Variants in CD72 observed in about 807,000 individuals in gnomAD.
CD72 encodes CD72 molecule.
A neutral mutation model predicts 50.7 loss-of-function variants in CD72; 28 were observed. The ratio of observed to expected loss-of-function variants is 0.55; its 90% CI spans 0.41 to 0.76. CD72 has a LOEUF of 0.76. Ranked by LOEUF, CD72 falls within the 30% of genes least tolerant of loss-of-function variation. The probability of loss-of-function intolerance (pLI) is 0.00; values close to 1 mark genes in which losing one functional copy is unlikely to be tolerated. For missense variants in CD72, 403 were observed against 420.6 expected, an observed-to-expected ratio of 0.96 and a Z score of 0.37; for synonymous variants, 176 against 171.2, an observed-to-expected ratio of 1.03 and a Z score of -0.22.
intron 3 of CD72, 130 bp downstream of exon 3, chr9:35,617,046 C>A: frequency 1.4e-6 from 2 of 1,473,602 alleles, no homozygotes; most frequent in Non-Finnish European, 1.8e-6. Context: ...GGCACGGCAG[C>A]CCGGGCGTCG....
intron 1 of CD72, among the ~76,000 whole-genome samples, chr9:35,635,416 T>C (rs1010203085): frequency 1.5e-4 from 23 of 152,360 alleles, no homozygotes; most frequent in Non-Finnish European, 7.3e-5. Context: ...TGAGACTTTT[T>C]TTCTATTTAA....
intron 4 of CD72, 43 bp downstream of exon 4, chr9:35,616,557 A>C (rs757863239): frequency 3.4e-6 from 5 of 1,475,246 alleles, no homozygotes; most frequent in Non-Finnish European, 4.7e-6. Context: ...GTCGGGACGA[A>C]AGTCGTTCGG....
chr9:35,613,470 GTTC>G (rs1340249333), intron 5 of CD72, among the ~76,000 whole-genome samples: 2 of 152,042 alleles, frequency 1.3e-5, no homozygotes, highest in Admixed American at 6.5e-5. Flanking sequence ...TCTCTTCTCT[GTTC>G]TTCTTTTCCT....
intron 1 of CD72, among the ~76,000 whole-genome samples, chr9:35,644,243 G>A (rs1242186423): frequency 5.3e-5 from 8 of 150,596 alleles, no homozygotes; most frequent in Admixed American, 1.3e-4. Context: ...CTACTCTGGA[G>A]GCTGAGGCAG....
At chr9:35,612,792 A>G in intron 6 of CD72, 56 bp downstream of exon 6, 3 of 1,544,724 alleles carry the variant, frequency 1.9e-6, no homozygotes, top group Non-Finnish European at 2.7e-6. Context: ...ACTTGATGAC[A>G]TATGTCCCTT....
intron 1 of CD72, among the ~76,000 whole-genome samples, chr9:35,634,501 C>T (rs1039458397): frequency 1.3e-5 from 2 of 151,956 alleles, no homozygotes; most frequent in South Asian, 2.1e-4. Context: ...TACAGGAGCC[C>T]GCCACCAGGC....
intron 5 of CD72, among the ~76,000 whole-genome samples, chr9:35,613,876 A>G (rs1272255438): frequency 2.6e-5 from 4 of 152,146 alleles, no homozygotes; most frequent in Non-Finnish European, 1.5e-5. Flanking sequence ...ACCATGGCGC[A>G]TGCCTATAAT....
chr9:35,616,877 T>G, intron 3 of CD72, 188 bp from the exon 4 acceptor site: 1 of 1,099,558 alleles, frequency 9.1e-7, no homozygotes, highest in East Asian at 2.6e-5. Context: ...GAGAGGGTGT[T>G]CCAGAATCAG....
At chr9:35,610,948 G>C (rs1206944688) in intron 7 of CD72, among the ~76,000 whole-genome samples, 195 bp from the exon 8 acceptor site, 1 of 152,196 alleles carries the variant, frequency 6.6e-6, no homozygotes, top group East Asian at 1.9e-4. Context: ...AATAACTCGA[G>C]ATCTTAAAGA....
intron 1 of CD72, among the ~76,000 whole-genome samples, chr9:35,638,355 T>C (rs555075835): frequency 6.6e-6 from 1 of 152,084 alleles, no homozygotes; most frequent in Non-Finnish European, 1.5e-5. Flanking sequence ...CCAGGCTGAA[T>C]CAGGCTCCAG....
intron 1 of CD72, among the ~76,000 whole-genome samples, chr9:35,634,346 T>C (rs952679632): frequency 2.0e-5 from 3 of 152,148 alleles, no homozygotes; most frequent in Non-Finnish European, 4.4e-5. Context: ...CCCATCCCAA[T>C]AAAATGTAAT....
intron 1 of CD72, among the ~76,000 whole-genome samples, chr9:35,627,996 A>G (rs930257693): frequency 1.1e-4 from 17 of 151,954 alleles, no homozygotes; most frequent in Non-Finnish European, 2.4e-4. Flanking sequence ...CCATCACACC[A>G]GACTAATTTT....
intron 1 of CD72, among the ~76,000 whole-genome samples, chr9:35,632,931 T>G (rs569107943): frequency 1.3e-5 from 2 of 150,440 alleles, no homozygotes; most frequent in Non-Finnish European, 3.0e-5. Flanking sequence ...TTTTTAGTTT[T>G]TTTTTTTTTT....
chr9:35,625,906 G>A (rs1174000844), intron 1 of CD72, among the ~76,000 whole-genome samples: 1 of 152,090 alleles, frequency 6.6e-6, no homozygotes, highest in Non-Finnish European at 1.5e-5. Flanking sequence ...TTCTCAGAAA[G>A]AAAATTCCTT....
intron 1 of CD72, among the ~76,000 whole-genome samples, chr9:35,637,521 T>C (rs1425362526): frequency 6.6e-6 from 1 of 152,162 alleles, no homozygotes; most frequent in African/African-American, 2.4e-5. Context: ...CCAGCCTCTC[T>C]TGCTACCCTT....
chr9:35,610,540 CCCTGCTCTGAG>C (rs1822962880), intron 8 of CD72, 51 bp downstream of exon 8: 1 of 1,113,590 alleles, frequency 9.0e-7, no homozygotes, highest in African/African-American at 2.5e-5. Flanking sequence ...TGCTCTGAGT[CCCTGCTCTGAG>C]TCCCTCTGCC....
intron 1 of CD72, among the ~76,000 whole-genome samples, chr9:35,634,849 T>C (rs1202969135): frequency 6.6e-6 from 1 of 152,218 alleles, no homozygotes; most frequent in Non-Finnish European, 1.5e-5. Context: ...AGAGTCCTTA[T>C]TTAGCATATA....
At chr9:35,636,869 C>T (rs142743549) in intron 1 of CD72, among the ~76,000 whole-genome samples, 84 of 152,288 alleles carry the variant, frequency 5.5e-4, no homozygotes, top group African/African-American at 1.9e-3. Flanking sequence ...GTGACCTGCA[C>T]GGATACATCC....
chr9:35,637,910 A>G (rs1823305414), intron 1 of CD72, among the ~76,000 whole-genome samples: 1 of 151,982 alleles, frequency 6.6e-6, no homozygotes, highest in Admixed American at 6.6e-5. Context: ...ACTATGGGCA[A>G]CCTTCCACCC....
Sources: allele counts gnomAD v4.1 joint callset (sites outside exome capture counted in the v4.1 genomes callset), GRCh38; gene constraint gnomAD v4.1.1; transcripts MANE v1.5; gene names NCBI Gene and HGNC (gene_info 2026-07-23, HGNC 2026-07-21).